Variants in PHKB observed in about 807,000 individuals in gnomAD.
The protein encoded by PHKB is phosphorylase kinase regulatory subunit beta.
Under a neutral mutation model 152.1 loss-of-function variants are expected in PHKB, and 122 were observed. The observed-to-expected ratio is 0.80, with a 90% CI of 0.69 to 0.93. The LOEUF (loss-of-function observed/expected upper bound fraction) is 0.93. Ranked by LOEUF, PHKB falls within the 40% of genes least tolerant of loss-of-function variation. The pLI is 0.00. For missense variants in PHKB, 1,304 were observed against 1,328.4 expected (o/e 0.98, Z 0.29); for synonymous variants, 436 against 464.9 (o/e 0.94, Z 0.80).
chr16:47,617,136 G>C (rs1019886760), intron 14 of PHKB, among the ~76,000 whole-genome samples: 1 of 150,672 alleles, frequency 6.6e-6, no homozygotes, highest in Non-Finnish European at 1.5e-5. Context: ...TTTATGGCCA[G>C]ATTTGGGGGC....
chr16:47,497,381 T>C lies in PHKB; in HGVS notation c.77-18T>C, dbSNP rs1415997645. 6.6e-7 allele frequency: 1 copy of C among 1,509,690 alleles called. No individual in the cohort carries two copies. Among genetic ancestry groups the C allele is most frequent in the East Asian group, 2.3e-5 (1 of 44,328 alleles). 93.5% of individuals were successfully genotyped at this position (1,509,690 alleles called of 1,614,324 possible). On this transcript the variant is annotated intron_variant, in intron 1 of 30. Coordinates refer to ENST00000323584, the MANE Select transcript of PHKB (RefSeq NM_000293.3). The stretch of plus-strand genomic sequence containing the variant: ...GTGAAAATGACTGAATTTGATGGGT[T>C]TTTATTTTTTCTTTTAGGCTCAGTT...
chr16:47,681,783 ATT>A (rs1973862508), intron 26 of PHKB, among the ~76,000 whole-genome samples: 1 of 152,070 alleles, frequency 6.6e-6, no homozygotes, highest in Admixed American at 6.6e-5. Flanking sequence ...TAAAGTTAAT[ATT>A]GTTATTTGTG....
At chr16:47,607,698 G>T (rs1480234222) in intron 13 of PHKB, among the ~76,000 whole-genome samples, 2 of 152,102 alleles carry the variant, frequency 1.3e-5, no homozygotes, top group Non-Finnish European at 2.9e-5. Flanking sequence ...GTATACCTAG[G>T]CATGTAATTG....
At position 47,691,960 on chromosome 16, in the gene PHKB, A is replaced by C. The variant is rs374902846; in HGVS notation, c.2766-1418A>C. The stretch of plus-strand genomic sequence containing the variant: ...TCCAAAAACATATTTTTTAATTGCC[A>C]AACAAAGGGAATGAGGGGAAAATAA... On this transcript the variant is annotated intron_variant, in intron 27 of 30. Coordinates refer to ENST00000323584, the MANE Select transcript of PHKB (RefSeq NM_000293.3). 7.2e-5 allele frequency among the ~76,000 whole-genome samples: 11 copies of C among 152,324 alleles called. No individual in the cohort carries two copies. In the South Asian group the frequency reaches 2.1e-3, roughly 29 times the overall value.
At chr16:47,620,562 G>GT (rs1972599112) in intron 14 of PHKB, among the ~76,000 whole-genome samples, 1 of 152,182 alleles carries the variant, frequency 6.6e-6, no homozygotes, top group Admixed American at 6.5e-5. Flanking sequence ...CACAGTATAG[G>GT]TAATGCAGAT....
intron 1 of PHKB, among the ~76,000 whole-genome samples, chr16:47,479,661 A>C (rs138939763): frequency 8.8e-4 from 134 of 152,298 alleles, no homozygotes; most frequent in Non-Finnish European, 1.5e-3. Context: ...GTTGAGCAGC[A>C]GTCCTTTGTG....
intron 24 of PHKB, chr16:47,664,520 C>A: frequency 4.3e-6 from 1 of 234,354 alleles, no homozygotes; most frequent in Admixed American, 5.2e-5. Context: ...TTAAACAAAA[C>A]AATCCCTTAG....
chr16:47,464,406 A>G (rs1466439229), intron 1 of PHKB, among the ~76,000 whole-genome samples: 2 of 152,190 alleles, frequency 1.3e-5, no homozygotes, highest in African/African-American at 4.8e-5. Context: ...CAGGTTATTA[A>G]TATACACGTT....
intron 20 of PHKB, among the ~76,000 whole-genome samples, chr16:47,652,379 C>CT (rs112153239): frequency 0.037 from 4,276 of 116,732 alleles, 148 homozygotes; most frequent in East Asian, 0.12. Context: ...CTCTAGTGGT[C>CT]TTTTTTTTTT....
At chr16:47,648,451 A>G (rs1477709951) in intron 16 of PHKB, 82 bp from the exon 17 acceptor site, 2 of 1,012,360 alleles carry the variant, frequency 2.0e-6, no homozygotes, top group East Asian at 4.9e-5. Flanking sequence ...GGAAAGATCA[A>G]AAATTAACAG....
chr16:47,659,046 T>A (rs1197758360), intron 20 of PHKB, among the ~76,000 whole-genome samples: 2 of 152,198 alleles, frequency 1.3e-5, no homozygotes, highest in Non-Finnish European at 2.9e-5. Context: ...TTAGGAAATA[T>A]CATTCAATGA....
chr16:47,672,800 T>G (rs1973659230), intron 26 of PHKB, among the ~76,000 whole-genome samples: 1 of 152,158 alleles, frequency 6.6e-6, no homozygotes, highest in South Asian at 2.1e-4. Flanking sequence ...ATAGCATTCT[T>G]TCTGTTTTTA....
intron 10 of PHKB, among the ~76,000 whole-genome samples, chr16:47,591,525 C>T (rs964132273): frequency 6.6e-6 from 1 of 152,084 alleles, no homozygotes; most frequent in African/African-American, 2.4e-5. Flanking sequence ...TCTTTATTCT[C>T]CACTTCTCTC....
At chr16:47,661,905 C>A in intron 23 of PHKB, 105 bp downstream of exon 23, 1 of 804,314 alleles carries the variant, frequency 1.2e-6, no homozygotes, top group East Asian at 2.5e-5. Context: ...GTTATTTCCC[C>A]TTTCATTAAA....
intron 1 of PHKB, among the ~76,000 whole-genome samples, chr16:47,488,730 A>G (rs751955413): frequency 5.3e-5 from 8 of 152,104 alleles, no homozygotes; most frequent in African/African-American, 1.4e-4. Context: ...GTTTTCTTCA[A>G]TGTTGTCAAA....
intron 13 of PHKB, among the ~76,000 whole-genome samples, chr16:47,600,913 G>A (rs1303163089): frequency 6.6e-6 from 1 of 152,230 alleles, no homozygotes; most frequent in Non-Finnish European, 1.5e-5. Flanking sequence ...GGAGGCTGAG[G>A]CAGGCAGATG....
Position 47,648,555 on chromosome 16 carries a change from A to C in PHKB, c.1631A>C (p.Asn544Thr). Residue 544 changes from asparagine to threonine, a missense_variant, in exon 17 of 31, where the codon AAT becomes ACT. Physicochemically the swap from Asn to Thr is moderately conservative, Grantham distance 65 (BLOSUM62 0). Coordinates refer to ENST00000323584, the MANE Select transcript of PHKB (RefSeq NM_000293.3). ...CAGGCTTATTTGCAGCTGGGTATCA[A>C]TGAAAAGTTAGGACTCTCTGGAAGG... is the stretch of plus-strand genomic sequence containing the variant. ...LVKAYLQLGI[N>T]EKLGLSGRPD... is the part of the protein sequence containing the mutation. 6.2e-7 allele frequency: 1 copy of C among 1,613,030 alleles called. No homozygotes were observed. The highest frequency in any genetic ancestry group is 8.5e-7 in the Non-Finnish European group (1 of 1,179,040).
chr16:47,628,609 A>G (rs1224884198), intron 14 of PHKB, among the ~76,000 whole-genome samples: 4 of 152,242 alleles, frequency 2.6e-5, no homozygotes, highest in Non-Finnish European at 5.9e-5. Context: ...TATGAGCTTT[A>G]CATGCTATAT....
At chr16:47,616,624 ATT>A (rs1567328854) in intron 14 of PHKB, among the ~76,000 whole-genome samples, 1 of 145,750 alleles carries the variant, frequency 6.9e-6, no homozygotes, top group East Asian at 1.9e-4. Context: ...AATATCATAT[ATT>A]AATATATGAT....
Sources: allele counts gnomAD v4.1 joint callset (sites outside exome capture counted in the v4.1 genomes callset), GRCh38; gene constraint gnomAD v4.1.1; transcripts MANE v1.5; gene names NCBI Gene and HGNC (gene_info 2026-07-23, HGNC 2026-07-21).